Variants in ASB4 observed in about 807,000 individuals in gnomAD.
The protein encoded by ASB4 is ankyrin repeat and SOCS box containing 4.
Under a neutral mutation model 38.6 loss-of-function variants are expected in ASB4, and 35 were observed. That is an observed-to-expected ratio of 0.91 (90% confidence interval 0.69 to 1.20). The LOEUF (loss-of-function observed/expected upper bound fraction) is 1.20, where lower values mean the gene tolerates loss of function less well. Among genes scored for constraint, ASB4 ranks in the 50% most tolerant of loss-of-function variants. The probability of loss-of-function intolerance (pLI) is 0.00; values close to 1 mark genes in which losing one functional copy is unlikely to be tolerated. For missense variants in ASB4, 557 were observed against 527.2 expected, an observed-to-expected ratio of 1.06 and a Z score of -0.55; for synonymous variants, 195 against 201.3, an observed-to-expected ratio of 0.97 and a Z score of 0.26.
At chr7:95,482,479 G>A (rs1790028589), upstream of ASB4, among the ~76,000 whole-genome samples, 1 of 152,304 alleles carries the variant, frequency 6.6e-6, no homozygotes, top group Non-Finnish European at 1.5e-5. Flanking sequence ...AGGACAATCT[G>A]TCCATTGATC....
At chr7:95,488,139 A>G (rs930886945) in intron 1 of ASB4, among the ~76,000 whole-genome samples, 8 of 152,202 alleles carry the variant, frequency 5.3e-5, no homozygotes, top group Non-Finnish European at 8.8e-5. Flanking sequence ...CAGGAGATAG[A>G]GACCATCCTG....
chr7:95,489,603 G>A (rs1162795168), intron 1 of ASB4, among the ~76,000 whole-genome samples: 1 of 152,164 alleles, frequency 6.6e-6, no homozygotes, highest in African/African-American at 2.4e-5. Flanking sequence ...TGGCATTTGA[G>A]AGACCTCCCT....
At chr7:95,484,986 G>C (rs1161866018), upstream of ASB4, among the ~76,000 whole-genome samples, 1 of 149,622 alleles carries the variant, frequency 6.7e-6, no homozygotes, top group Non-Finnish European at 1.5e-5. Context: ...ATGTATATAT[G>C]TGTATATATG....
At chr7:95,511,779 T>G (rs1311602097) in intron 2 of ASB4, among the ~76,000 whole-genome samples, 1 of 152,222 alleles carries the variant, frequency 6.6e-6, no homozygotes, top group Non-Finnish European at 1.5e-5. Context: ...GAGGTTAAGA[T>G]TTGCAGATTA....
rs1790652666 is a variant in ASB4, at chr7:95,520,845, A to G, written c.488-6968A>G. Among the ~76,000 whole-genome samples the G allele has an allele frequency of 3.3e-5, 5 of 152,180 alleles. No homozygotes were observed. In the South Asian group the frequency reaches 1.0e-3, roughly 32 times the overall value. On this transcript the variant is annotated intron_variant, in intron 2 of 4. Coordinates refer to ENST00000325885, the MANE Select transcript of ASB4 (RefSeq NM_016116.3). ...AGTTTTCTCTTTATGCATCAACACCACATTATTTTAATTAGTTTGCTTTGA... is the reference window on the plus strand; with the variant it reads ...AGTTTTCTCTTTATGCATCAACACCGCATTATTTTAATTAGTTTGCTTTGA...
intron 2 of ASB4, among the ~76,000 whole-genome samples, chr7:95,524,289 A>G (rs1391885979): frequency 2.0e-5 from 3 of 152,252 alleles, no homozygotes; most frequent in Non-Finnish European, 4.4e-5. Context: ...GACAGACATA[A>G]TAAAATGAAC....
intron 3 of ASB4, among the ~76,000 whole-genome samples, chr7:95,534,341 TAA>T (rs11479848): frequency 2.0e-4 from 29 of 146,618 alleles, no homozygotes; most frequent in East Asian, 7.9e-4. Context: ...AAAACTCCAT[TAA>T]AAAAAAAAAA....
At position 95,528,275 on chromosome 7, in the gene ASB4, C is replaced by G. The variant is rs1169486102; in HGVS notation, c.950C>G (p.Ala317Gly). Residue 317 changes from alanine (A) to glycine (G), a missense_variant, in exon 3 of 5, where the codon GCC becomes GGC. Transcript: ENST00000325885. The part of the protein sequence containing the change: ...CYQLLLNHGA[A>G]RIYPPQFHKV... ...CAGCTCCTGTTGAACCATGGGGCTG[C>G]CCGAATATACCCTCCACAGTTCCAT... is the stretch of plus-strand genomic sequence containing the variant. 1 of 1,614,120 alleles carries G rather than the reference C, an allele frequency of 6.2e-7. No homozygotes were observed. Among genetic ancestry groups the G allele is most frequent in the East Asian group, 2.2e-5 (1 of 44,858 alleles).
intron 3 of ASB4, among the ~76,000 whole-genome samples, chr7:95,531,181 C>A (rs1330496904): frequency 2.0e-5 from 3 of 152,186 alleles, no homozygotes; most frequent in Non-Finnish European, 2.9e-5. Flanking sequence ...TCAGTCACAG[C>A]AGAGTCTCTT....
In ASB4 at chr7:95,533,758, A is replaced by AG. The variant is rs537929269; in HGVS notation, c.979-2677dup. Among the ~76,000 whole-genome samples, 106 of 152,328 alleles carry AG rather than the reference A, an allele frequency of 7.0e-4. No homozygotes were observed. The Middle Eastern group carries it at 0.01, about 15-fold the overall frequency. ...AAATCTCTGAAATGGGGATGAATATAGGACCAACCTCATAGGATTGTTCAA... is the reference window on the plus strand; with the variant it reads ...AAATCTCTGAAATGGGGATGAATATAGGGACCAACCTCATAGGATTGTTCAA... On this transcript the variant is annotated intron_variant, in intron 3 of 4. Transcript: ENST00000325885.
intron 1 of ASB4, among the ~76,000 whole-genome samples, chr7:95,486,392 A>G (rs1790091769): frequency 6.6e-6 from 1 of 152,184 alleles, no homozygotes; most frequent in Admixed American, 6.5e-5. Flanking sequence ...AGGACTTGAA[A>G]TCCCAGACAA....
chr7:95,513,986 G>T (rs1790521079), intron 2 of ASB4, among the ~76,000 whole-genome samples: 1 of 152,054 alleles, frequency 6.6e-6, no homozygotes, highest in African/African-American at 2.4e-5. Context: ...ACAACTCCTG[G>T]ACCTCCACAA....
intron 2 of ASB4, among the ~76,000 whole-genome samples, chr7:95,499,936 C>T (rs368613220): frequency 3.1e-5 from 4 of 129,196 alleles, no homozygotes; most frequent in South Asian, 5.1e-4. Context: ...TGCAGTGGTG[C>T]GATCTCGGCT....
chr7:95,502,816 A>C (rs907196822), intron 2 of ASB4, among the ~76,000 whole-genome samples: 1 of 152,202 alleles, frequency 6.6e-6, no homozygotes, highest in African/African-American at 2.4e-5. Context: ...ATAGATAGGC[A>C]CTTTTAATTT....
chr7:95,501,880 T>C (rs575690513), intron 2 of ASB4, among the ~76,000 whole-genome samples: 1 of 152,240 alleles, frequency 6.6e-6, no homozygotes, highest in African/African-American at 2.4e-5. Flanking sequence ...GGAGAGAGAA[T>C]AGAAGTCCAT....
chr7:95,500,169 A>G (rs1310373175), intron 2 of ASB4, among the ~76,000 whole-genome samples: 1 of 152,150 alleles, frequency 6.6e-6, no homozygotes, highest in Non-Finnish European at 1.5e-5. Flanking sequence ...AGCAGAAAGC[A>G]TAGACATTTT....
chr7:95,475,724 A>AG (rs1312458821), upstream of ASB4, among the ~76,000 whole-genome samples: 1 of 152,132 alleles, frequency 6.6e-6, no homozygotes, highest in African/African-American at 2.4e-5. Context: ...CTTGCATTCA[A>AG]GGTCTTCTGT....
chr7:95,474,740 G>T (rs1789959877), upstream of ASB4, among the ~76,000 whole-genome samples: 1 of 152,046 alleles, frequency 6.6e-6, no homozygotes, highest in South Asian at 2.1e-4. Context: ...GTCTAGGCTG[G>T]TCATGAACTC....
At chr7:95,489,375 A>C (rs139339596) in intron 1 of ASB4, among the ~76,000 whole-genome samples, 214 of 152,328 alleles carry the variant, frequency 1.4e-3, no homozygotes, top group African/African-American at 4.8e-3. Flanking sequence ...AATTTGGCAG[A>C]GAACAGATTT....
Sources: gnomAD v4.1 joint callset for allele counts (sites outside exome capture counted in the v4.1 genomes callset) on GRCh38, gnomAD v4.1.1 for gene constraint, MANE v1.5 for transcripts, NCBI Gene and HGNC (gene_info 2026-07-23, HGNC 2026-07-21) for gene names.